The following NOTCH4 variants were observed in gnomAD, a reference collection of about 807,000 sequenced individuals.
NOTCH4 encodes notch receptor 4, also known as neurogenic locus notch homolog protein 4.
NOTCH4 carries 138 observed loss-of-function variants against 189.0 expected under a neutral mutation model. The observed-to-expected ratio is 0.73, with a 90% CI of 0.64 to 0.84. The LOEUF (loss-of-function observed/expected upper bound fraction) is 0.84, where lower values mean the gene tolerates loss of function less well. Among genes scored for constraint, NOTCH4 ranks in the 40% least tolerant of loss-of-function variants. The pLI is 0.00. For synonymous variants in NOTCH4, 942 were observed against 1,032.8 expected, an observed-to-expected ratio of 0.91 and a Z score of 1.69; for missense variants, 2,286 against 2,605.4, an observed-to-expected ratio of 0.88 and a Z score of 2.67.
At chr6:32,214,517 A>T (rs1432863702) in intron 12 of NOTCH4, among the ~76,000 whole-genome samples, 3 of 149,660 alleles carry the variant, frequency 2.0e-5, no homozygotes, top group Non-Finnish European at 3.0e-5. Context: ...TAACTTACTT[A>T]TTTTCTGTCT....
At chr6:32,214,484 T>TATATACATATATATATATATATATAC (rs28383875) in intron 12 of NOTCH4, among the ~76,000 whole-genome samples, 3 of 141,178 alleles carry the variant, frequency 2.1e-5, no homozygotes, top group African/African-American at 8.3e-5. Context: ...TATATATATA[T>TATATACATATATATATATATATATAC]ACACACATAT....
At position 32,199,154 on chromosome 6, in the gene NOTCH4, A is replaced by C. The variant is rs1474993638; in HGVS notation, c.4316-9T>G. On this transcript the variant is annotated splice_polypyrimidine_tract_variant and intron_variant, in intron 23 of 29. Transcript: ENST00000375023. This position sits in a 1 kb window ranked among gnomAD's most constrained non-coding sequence, Gnocchi z 4.9. ...CTGGTTGGCAGGGGGTGCTGGTGGG[A>C]GAGACAGAGTCACAAAGAGAGGCCA... The C allele has an allele frequency of 1.3e-6, 2 of 1,567,010 alleles. No individual in the cohort carries two copies. The highest frequency in any genetic ancestry group is 1.7e-6 in the Non-Finnish European group (2 of 1,157,526).
Position 32,200,978 on chromosome 6 carries a change from A to G in NOTCH4, c.4168T>C (p.Ser1390Pro). The stretch of plus-strand genomic sequence containing the variant: ...GCCGGGTGGTCAGGGCCACAGCGGG[A>G]CAAATCCACACCCATGACCACCACA... ...GFVVVMGVDL[S>P]RCGPDHPASR... Residue 1390 changes from serine to proline, a missense_variant, in exon 23 of 30, where the codon TCC becomes CCC. Around this residue, in one of 2 missense-constraint regions of NOTCH4, gnomAD observed 1,903 missense variants for 2,261.9 expected, o/e 0.84. Transcript: ENST00000375023. This position sits in a 1 kb window ranked among gnomAD's most constrained non-coding sequence, Gnocchi z 5.0. The G allele has an allele frequency of 6.3e-7, 1 of 1,586,880 alleles. No homozygotes were observed. Among genetic ancestry groups the G allele is most frequent in the African/African-American group, 1.3e-5 (1 of 74,482 alleles).
In NOTCH4 at chr6:32,199,475, C is replaced by T. The variant is rs534061219; in HGVS notation, c.4316-330G>A. 1.2e-3 allele frequency among the ~76,000 whole-genome samples: 175 copies of T among 152,126 alleles called. No individual in the cohort carries two copies. The highest frequency in any genetic ancestry group is 3.9e-3 in the African/African-American group (163 of 41,472). ...ATCTCAGCACTTTGGGAGGCTGAGG[C>T]GGGTGGATCATGAGGTCAGGAGATC... On this transcript the variant is annotated intron_variant, in intron 23 of 29. Coordinates refer to ENST00000375023, the MANE Select transcript of NOTCH4 (RefSeq NM_004557.4). This position sits in a 1 kb window ranked among gnomAD's most constrained non-coding sequence, Gnocchi z 4.9.
Position 32,220,183 on chromosome 6 carries a change from G to C in NOTCH4, c.1261C>G (p.Gln421Glu). ...CAGGTGGGCCCCGAATAGCCAGGCT[G>C]ACACAGGCAGAGTGTGGAGCCTGTG... ...PLTGSTLCLC[Q>E]PGYSGPTCHQ... is the part of the protein sequence containing the mutation. Residue 421 changes from glutamine (Q) to glutamate (E), a missense_variant, in exon 7 of 30, where the codon CAG becomes GAG. Gln to Glu is a conservative substitution (Grantham distance 29). Around this residue, in one of 2 missense-constraint regions of NOTCH4, gnomAD observed 1,903 missense variants for 2,261.9 expected, o/e 0.84. Transcript: ENST00000375023. 1 of 1,614,056 alleles carries C rather than the reference G, an allele frequency of 6.2e-7. No individual in the cohort carries two copies.
Position 32,198,998 on chromosome 6 carries a change from G to A in NOTCH4, c.4463C>T (p.Thr1488Ile). The change falls in exon 24 of 30, where the codon ACT (threonine) becomes ATT (isoleucine). Residue 1488 changes from threonine (T) to isoleucine (I), a missense_variant. By Grantham distance (89) the Thr-to-Ile change is moderately conservative. This residue lies in a region of NOTCH4 where 1,903 missense variants were observed against 2,261.9 expected (regional missense o/e 0.84). Coordinates refer to ENST00000375023, the MANE Select transcript of NOTCH4 (RefSeq NM_004557.4). This position sits in a 1 kb window ranked among gnomAD's most constrained non-coding sequence, Gnocchi z 5.5. Reference protein sequence around the residue: ...HGALWLPPGFTRRPRTQSAPH... With the variant: ...HGALWLPPGFIRRPRTQSAPH... Reference sequence around the variant, plus strand: ...AGCTGACTGAGTCCGAGGCCGTCGAGTGAAACCAGGGGGCAGCCAGAGAGC... The same window carrying A: ...AGCTGACTGAGTCCGAGGCCGTCGAATGAAACCAGGGGGCAGCCAGAGAGC... 1 of 1,612,042 alleles carries A rather than the reference G, an allele frequency of 6.2e-7. No individual in the cohort carries two copies.
chr6:32,223,694 G>T (rs886977897), intron 1 of NOTCH4, among the ~76,000 whole-genome samples, 162 bp downstream of exon 1: 1 of 151,960 alleles, frequency 6.6e-6, no homozygotes, highest in Non-Finnish European at 1.5e-5. Flanking sequence ...CAGCTCCATG[G>T]GCAGAGCCGT....
At chr6:32,215,775 TC>T in intron 11 of NOTCH4, 1 of 185,394 alleles carries the variant, frequency 5.4e-6, no homozygotes, top group African/African-American at 2.3e-5. Context: ...CATCCATCTT[TC>T]TATCTTTCTC....
At position 32,201,459 on chromosome 6, in the gene NOTCH4, C is replaced by CTTT; in HGVS notation, c.3796_3797insAAA (p.Gly1266delinsGluArg). The CTTT allele has an allele frequency of 6.5e-7, 1 of 1,527,618 alleles. No homozygotes were observed. Among genetic ancestry groups the CTTT allele is most frequent in the South Asian group, 1.3e-5 (1 of 76,618 alleles). The allele number at this position is 1,527,618 out of a possible 1,614,324, so 94.6% of individuals were successfully genotyped here. A position where few individuals can be genotyped will look rare whatever the true frequency, so the allele number is the denominator to read the frequency against. ...AGTGTTGCAGCCTTTCTCACAGTGC[C>CTTT]CGTTGTGGAAGTGATCATGGCAGTA... is the stretch of plus-strand genomic sequence containing the variant. On this transcript the variant is annotated protein_altering_variant, in exon 22 of 30. Transcript: ENST00000375023. This position sits in a 1 kb window ranked among gnomAD's most constrained non-coding sequence, Gnocchi z 5.5.
chr6:32,223,767 C>A, intron 1 of NOTCH4, 89 bp downstream of exon 1: 1 of 1,313,830 alleles, frequency 7.6e-7, no homozygotes. Flanking sequence ...ATCCCTCACA[C>A]GGCCTGGGGC....
Position 32,199,044 on chromosome 6 carries a change from G to C in NOTCH4, c.4417C>G (p.Arg1473Gly). ...GALLVLQLIR[R>G]RRREHGALWL... is the part of the protein sequence containing the mutation. ...AGAGCTCCATGCTCTCGGCGTCGAC[G>C]CCGGATGAGCTGGAGGACGAGAAGA... Residue 1473 changes from arginine (R) to glycine (G), a missense_variant, in exon 24 of 30, where the codon CGT (arginine) becomes GGT (glycine). Coordinates refer to ENST00000375023, the MANE Select transcript of NOTCH4 (RefSeq NM_004557.4). The surrounding 1 kb of genome is among the most constrained non-coding windows in gnomAD (Gnocchi z 4.9). 2 of 1,612,902 alleles carry C rather than the reference G, an allele frequency of 1.2e-6. No individual in the cohort carries two copies. Among genetic ancestry groups the C allele is most frequent in the African/African-American group, 2.7e-5 (2 of 75,056 alleles).
chr6:32,198,973 A>G lies in NOTCH4; in HGVS notation c.4488T>C (p.Ala1496=), dbSNP rs2127463144. The G allele has an allele frequency of 6.2e-7, 1 of 1,607,560 alleles. No individual in the cohort carries two copies. Among genetic ancestry groups the G allele is most frequent in the Non-Finnish European group, 8.5e-7 (1 of 1,176,782 alleles). The change falls in exon 24 of 30, where the codon GCT becomes GCC. Residue 1496 remains alanine, a synonymous_variant. Transcript: ENST00000375023. The surrounding 1 kb of genome is among the most constrained non-coding windows in gnomAD (Gnocchi z 5.5). ...CTAGTGGGGGCCGGCGTCGGTGGGG[A>G]GCTGACTGAGTCCGAGGCCGTCGAG... ...GFTRRPRTQS[A]PHRRRPPLGE...
chr6:32,220,527 C>A lies in NOTCH4; in HGVS notation c.1037G>T (p.Gly346Val), dbSNP rs1260037526. The A allele has an allele frequency of 6.2e-7, 1 of 1,613,730 alleles. No individual in the cohort carries two copies. Among genetic ancestry groups the A allele is most frequent in the South Asian group, 1.1e-5 (1 of 91,088 alleles). Residue 346 changes from glycine to valine, a missense_variant, in exon 6 of 30, where the codon GGC becomes GTC. Transcript: ENST00000375023. ...AGSFHCVCVS[G>V]WGGTSCEENL... ...CTCCTCACAGCTTGTGCCGCCCCAGCCACTCACACACACGCAGTGAAAGCT... is the reference window on the plus strand; with the variant it reads ...CTCCTCACAGCTTGTGCCGCCCCAGACACTCACACACACGCAGTGAAAGCT...
Position 32,202,883 on chromosome 6 carries a change from G to A in NOTCH4, c.3232-284C>T, listed in dbSNP as rs1469967632. ...AGTGCAAGTCCTAGAAGACTAAACA[G>A]TTAATAGAATGCTATTATATTATTA... On this transcript the variant is annotated intron_variant, in intron 20 of 29. Transcript: ENST00000375023. This position sits in a 1 kb window ranked among gnomAD's most constrained non-coding sequence, Gnocchi z 5.7. 2 of 358,058 alleles carry A rather than the reference G, an allele frequency of 5.6e-6. No homozygotes were observed. Among genetic ancestry groups the A allele is most frequent in the Non-Finnish European group, 9.9e-6 (2 of 201,194 alleles). 22.2% of individuals were successfully genotyped at this position (358,058 alleles called of 1,614,324 possible). A position where few individuals can be genotyped will look rare whatever the true frequency, so the allele number is the denominator to read the frequency against.
chr6:32,200,863 G>C lies in NOTCH4; in HGVS notation c.4283C>G (p.Pro1428Arg). The C allele has an allele frequency of 6.2e-7, 1 of 1,608,424 alleles. No individual in the cohort carries two copies. Among genetic ancestry groups the C allele is most frequent in the South Asian group, 1.1e-5 (1 of 90,476 alleles). ...TGCATGAGGGTGGACAGCCAGCAGT[G>C]GTCCAGGCAGCAGGGGCTCCAGGGC... Reference protein sequence around the residue: ...VGALEPLLPGPLLAVHPHAGT... With the variant: ...VGALEPLLPGRLLAVHPHAGT... Residue 1428 changes from proline (P) to arginine (R), a missense_variant, in exon 23 of 30, where the codon CCA becomes CGA. By Grantham distance (103) the Pro-to-Arg change is moderately radical. This residue lies in a region of NOTCH4 where 1,903 missense variants were observed against 2,261.9 expected (regional missense o/e 0.84). Transcript: ENST00000375023. This position sits in a 1 kb window ranked among gnomAD's most constrained non-coding sequence, Gnocchi z 5.0.
rs1788351319 is a variant in NOTCH4 at position 32,201,487 on chromosome 6, G to T, written c.3769C>A (p.Gln1257Lys). ...TTGTGGAAGTGATCATGGCAGTACT[G>T]GTCATAGGCTGGACTGTGGGGTAAG... ...TPPACTPAYDQYCHDHFHNGH... is the reference protein window; with the variant it reads ...TPPACTPAYDKYCHDHFHNGH... Residue 1257 changes from glutamine (Q) to lysine (K), a missense_variant, in exon 22 of 30, where the codon CAG becomes AAG. Around this residue, in one of 2 missense-constraint regions of NOTCH4, gnomAD observed 1,903 missense variants for 2,261.9 expected, o/e 0.84. Coordinates refer to ENST00000375023, the MANE Select transcript of NOTCH4 (RefSeq NM_004557.4). The surrounding 1 kb of genome is among the most constrained non-coding windows in gnomAD (Gnocchi z 5.5). 6.7e-7 allele frequency: 1 copy of T among 1,500,334 alleles called. No homozygotes were observed. Among genetic ancestry groups the T allele is most frequent in the Non-Finnish European group, 8.9e-7 (1 of 1,125,060 alleles). 92.9% of individuals were successfully genotyped at this position (1,500,334 alleles called of 1,614,324 possible).
At position 32,196,150 on chromosome 6, in the gene NOTCH4, C is replaced by T. The variant is rs1488956228; in HGVS notation, c.5299G>A (p.Glu1767Lys). Residue 1767 changes from glutamate (E) to lysine (K), a missense_variant and splice_region_variant, in exon 30 of 30, where the codon GAG (glutamate) becomes AAG (lysine). Coordinates refer to ENST00000375023, the MANE Select transcript of NOTCH4 (RefSeq NM_004557.4). Reference sequence around the variant, plus strand: ...GCCGCCAGGAATAGCGGCGTCTGCTCCTGTACAGAAGAGCCAGGGCCGATA... The same window carrying T: ...GCCGCCAGGAATAGCGGCGTCTGCTTCTGTACAGAAGAGCCAGGGCCGATA... ...GADKDAQDNR[E>K]QTPLFLAARE... 1 of 1,590,682 alleles carries T rather than the reference C, an allele frequency of 6.3e-7. No individual in the cohort carries two copies. Among genetic ancestry groups the T allele is most frequent in the Non-Finnish European group, 8.5e-7 (1 of 1,174,676 alleles).
At chr6:32,205,621 G>C (rs1788630278) in intron 18 of NOTCH4, among the ~76,000 whole-genome samples, 1 of 149,202 alleles carries the variant, frequency 6.7e-6, no homozygotes, top group Admixed American at 6.7e-5. Context: ...CTACTGATCA[G>C]TATACTGCTT....
rs1789866092 is a variant in NOTCH4, at chr6:32,222,759, C to G, written c.203G>C (p.Cys68Ser). The G allele has an allele frequency of 6.2e-7, 1 of 1,612,244 alleles. No homozygotes were observed. Residue 68 changes from cysteine (C) to serine (S), a missense_variant, in exon 3 of 30, where the codon TGC becomes TCC. Cys to Ser is a moderately radical substitution (Grantham distance 112, BLOSUM62 -1). Coordinates refer to ENST00000375023, the MANE Select transcript of NOTCH4 (RefSeq NM_004557.4). ...ATTTTGGCAGAGCTGGGCGTTCTGG[C>G]AGGGGTCAGGAAACTGGCACGTCTC... ...LGETCQFPDP[C>S]QNAQLCQNGG...
Sources: gnomAD v4.1 joint callset for allele counts (sites outside exome capture counted in the v4.1 genomes callset) on GRCh38, gnomAD v4.1.1 for gene constraint, gnomAD v4.1.1 regional missense constraint, Gnocchi (gnomAD v3.1) non-coding constraint, MANE v1.5 for transcripts, NCBI Gene and HGNC (gene_info 2026-07-23, HGNC 2026-07-21) for gene names.